ADGRL4: variants seen among roughly 807,000 people sequenced by gnomAD.
ADGRL4 encodes the protein EGF, latrophilin and seven transmembrane domain containing 1.
Under a neutral mutation model 74.8 loss-of-function variants are expected in ADGRL4, and 90 were observed. That is an observed-to-expected ratio of 1.20 (90% CI 1.02 to 1.43). The LOEUF (loss-of-function observed/expected upper bound fraction) is 1.43. ADGRL4 is among the 40% of genes most tolerant of loss of function. The pLI is 0.00. For synonymous variants in ADGRL4, 311 were observed against 279.2 expected, an observed-to-expected ratio of 1.11 and a Z score of -1.14; for missense variants, 881 against 814.3, an observed-to-expected ratio of 1.08 and a Z score of -1.00.
At chr1:78,901,935 G>T (rs572270115) in intron 12 of ADGRL4, among the ~76,000 whole-genome samples, 1 of 152,242 alleles carries the variant, frequency 6.6e-6, no homozygotes, top group African/African-American at 2.4e-5. Context: ...AGAGAAATGG[G>T]AGTGCAGTCT....
At chr1:78,958,406 G>A (rs528095462) in intron 2 of ADGRL4, among the ~76,000 whole-genome samples, 6 of 152,274 alleles carry the variant, frequency 3.9e-5, no homozygotes, top group East Asian at 1.9e-4. Flanking sequence ...AAGAACATTT[G>A]TGAATCATGG....
intron 2 of ADGRL4, among the ~76,000 whole-genome samples, chr1:78,986,248 A>T (rs1019550070): frequency 1.3e-5 from 2 of 151,658 alleles, no homozygotes; most frequent in Non-Finnish European, 2.9e-5. Context: ...TTGAAAAAAA[A>T]TGTGATTCAT....
chr1:78,974,865 C>T lies in ADGRL4; in HGVS notation c.173-28439G>A, dbSNP rs533955034. Reference sequence around the variant, plus strand: ...GCCCATTTAGATAATTCAGGATAATCGACTATTTTGAGGTCACATAGTTAG... The same window carrying T: ...GCCCATTTAGATAATTCAGGATAATTGACTATTTTGAGGTCACATAGTTAG... On this transcript the variant is annotated intron_variant, in intron 2 of 14. Transcript: ENST00000370742. 3.9e-5 allele frequency among the ~76,000 whole-genome samples: 6 copies of T among 152,216 alleles called. No individual in the cohort carries two copies. The South Asian group carries it at 6.2e-4, about 16-fold the overall frequency.
chr1:78,953,160 G>T (rs896401760), intron 2 of ADGRL4, among the ~76,000 whole-genome samples: 6 of 152,124 alleles, frequency 3.9e-5, no homozygotes, highest in African/African-American at 1.4e-4. Context: ...TTGACCATTG[G>T]AGATATGGAA....
Position 78,890,815 on chromosome 1 carries a change from T to G in ADGRL4, c.*339A>C, listed in dbSNP as rs747479434. On this transcript the variant is annotated 3_prime_UTR_variant, in exon 15 of 15. Coordinates refer to ENST00000370742, the MANE Select transcript of ADGRL4 (RefSeq NM_022159.4). ...ACGAGTCACAGAAATATCAAGCCAGTGGTTTCCTTCAGGACATTCATATAC... is the reference window on the plus strand; with the variant it reads ...ACGAGTCACAGAAATATCAAGCCAGGGGTTTCCTTCAGGACATTCATATAC... 1 of 223,746 alleles carries G rather than the reference T, an allele frequency of 4.5e-6. No homozygotes were observed. The highest frequency in any genetic ancestry group is 8.8e-6 in the Non-Finnish European group (1 of 113,024). The allele number at this position is 223,746 out of a possible 1,614,324, so 13.9% of individuals were successfully genotyped here. A position where few individuals can be genotyped will look rare whatever the true frequency, so the allele number is the denominator to read the frequency against.
chr1:78,936,473 A>G, intron 6 of ADGRL4, 62 bp from the exon 7 acceptor site: 1 of 1,349,606 alleles, frequency 7.4e-7, no homozygotes, highest in Non-Finnish European at 1.0e-6. Flanking sequence ...CATCATAAAT[A>G]TATTAGCTTA....
intron 8 of ADGRL4, among the ~76,000 whole-genome samples, chr1:78,922,803 C>T (rs75939930): frequency 0.016 from 2,465 of 151,874 alleles, 84 homozygotes; most frequent in African/African-American, 0.057. Flanking sequence ...GAATCAAACT[C>T]AAATTTTCAG....
intron 8 of ADGRL4, 32 bp downstream of exon 8, chr1:78,926,854 C>T (rs1401881287): frequency 1.3e-6 from 2 of 1,508,294 alleles, no homozygotes; most frequent in Non-Finnish European, 1.8e-6. Flanking sequence ...GTATCACAAT[C>T]ATAGCCAATA....
intron 2 of ADGRL4, among the ~76,000 whole-genome samples, chr1:78,980,345 A>G (rs1369008342): frequency 6.6e-6 from 1 of 151,824 alleles, no homozygotes; most frequent in South Asian, 2.1e-4. Flanking sequence ...GTTTCTTTCT[A>G]GTGCCTAATA....
intron 3 of ADGRL4, among the ~76,000 whole-genome samples, chr1:78,945,202 A>C (rs2035727): frequency 0.098 from 14,119 of 144,066 alleles, 887 homozygotes; most frequent in East Asian, 0.31. Flanking sequence ...ATATATCTCA[A>C]TAGGGCACTA....
intron 7 of ADGRL4, 128 bp from the exon 8 acceptor site, chr1:78,927,219 T>C (rs538159822): frequency 1.1e-5 from 7 of 644,062 alleles, no homozygotes; most frequent in African/African-American, 9.2e-5. Context: ...CCCCAGATAC[T>C]GAAATATAGA....
At chr1:78,959,272 T>A (rs1649894441) in intron 2 of ADGRL4, among the ~76,000 whole-genome samples, 1 of 152,196 alleles carries the variant, frequency 6.6e-6, no homozygotes, top group Admixed American at 6.6e-5. Context: ...ACATAAATAT[T>A]TATCTTTACT....
intron 2 of ADGRL4, among the ~76,000 whole-genome samples, chr1:78,986,135 T>G (rs749634437): frequency 6.6e-6 from 1 of 151,698 alleles, no homozygotes; most frequent in Non-Finnish European, 1.5e-5. Flanking sequence ...ACAATTTACG[T>G]ATATAACAAA....
At chr1:78,930,486 C>G (rs1014395166) in intron 7 of ADGRL4, among the ~76,000 whole-genome samples, 14 of 119,758 alleles carry the variant, frequency 1.2e-4, no homozygotes, top group Admixed American at 3.1e-4. Context: ...GATTCTTGCT[C>G]TGTCACCCAG....
Position 78,921,599 on chromosome 1 carries a change from G to T in ADGRL4, c.1257+14C>A. The T allele has an allele frequency of 7.2e-7, 1 of 1,388,544 alleles. No individual in the cohort carries two copies. Among genetic ancestry groups the T allele is most frequent in the Non-Finnish European group, 9.5e-7 (1 of 1,056,378 alleles). The allele number at this position is 1,388,544 out of a possible 1,614,324, so 86.0% of individuals were successfully genotyped here. On this transcript the variant is annotated intron_variant, in intron 9 of 14. Transcript: ENST00000370742. ...AAGCAACATTTATAAATATGAAGGG[G>T]AAAATTATCTTACAATGGAAGGACC...
At chr1:78,956,176 A>ACC (rs1649825937) in intron 2 of ADGRL4, among the ~76,000 whole-genome samples, 1 of 152,132 alleles carries the variant, frequency 6.6e-6, no homozygotes, top group Non-Finnish European at 1.5e-5. Context: ...AATTAGCAGG[A>ACC]CTTTGTCTTC....
intron 2 of ADGRL4, among the ~76,000 whole-genome samples, chr1:78,975,628 T>G (rs1650261347): frequency 6.6e-6 from 1 of 151,962 alleles, no homozygotes; most frequent in Non-Finnish European, 1.5e-5. Flanking sequence ...TCTTGATATT[T>G]ACATGAATTG....
intron 2 of ADGRL4, among the ~76,000 whole-genome samples, chr1:78,992,058 GT>G (rs566780120): frequency 2.1e-4 from 32 of 151,956 alleles, no homozygotes; most frequent in Non-Finnish European, 4.6e-4. Flanking sequence ...CAGTCACTGG[GT>G]TTTCTCCCTG....
At chr1:78,938,988 G>A (rs1416605185) in intron 4 of ADGRL4, among the ~76,000 whole-genome samples, 200 bp downstream of exon 4, 2 of 151,938 alleles carry the variant, frequency 1.3e-5, no homozygotes, top group Non-Finnish European at 2.9e-5. Flanking sequence ...ATATGTAAAA[G>A]GCCTCTTGAA....
Sources: allele counts gnomAD v4.1 joint callset (sites outside exome capture counted in the v4.1 genomes callset), GRCh38; gene constraint gnomAD v4.1.1; transcripts MANE v1.5; gene names NCBI Gene and HGNC (gene_info 2026-07-23, HGNC 2026-07-21).